Variants in CSMD1 observed in about 807,000 individuals in gnomAD.
The protein encoded by CSMD1 is CUB and sushi domain-containing protein 1.
CSMD1 carries 213 observed loss-of-function variants against 417.5 expected under a neutral mutation model. The ratio of observed to expected loss-of-function variants is 0.51; its 90% CI spans 0.46 to 0.57. The LOEUF (loss-of-function observed/expected upper bound fraction) is 0.57, where lower values mean the gene tolerates loss of function less well. Ranked by LOEUF, CSMD1 falls within the 20% of genes least tolerant of loss-of-function variation. The pLI, the probability that CSMD1 is intolerant of heterozygous loss-of-function variation, is 0.00. For missense variants in CSMD1, 6,923 were observed against 4,529.7 expected (o/e 1.53, Z -15.17); for synonymous variants, 2,862 against 1,736.8 (o/e 1.65, Z -16.11).
chr8:3,574,908 T>C (rs372354557), intron 10 of CSMD1, 37 bp downstream of exon 10: 2 of 1,607,306 alleles, frequency 1.2e-6, no homozygotes, highest in South Asian at 2.2e-5. Context: ...AAGAGTGCTG[T>C]GTGCATTAAC....
intron 7 of CSMD1, among the ~76,000 whole-genome samples, chr8:3,701,280 G>A (rs911627628): frequency 6.6e-6 from 1 of 152,178 alleles, no homozygotes; most frequent in Non-Finnish European, 1.5e-5. Context: ...ACTTTCCGAA[G>A]ATGAATATGA....
At chr8:3,733,041 T>G (rs1240115618) in intron 6 of CSMD1, among the ~76,000 whole-genome samples, 1 of 151,986 alleles carries the variant, frequency 6.6e-6, no homozygotes, top group Non-Finnish European at 1.5e-5. Context: ...CTTGGGAATA[T>G]GTCAGCCGAA....
At chr8:3,642,260 A>C (rs547978249) in intron 7 of CSMD1, among the ~76,000 whole-genome samples, 1 of 152,184 alleles carries the variant, frequency 6.6e-6, no homozygotes, top group Non-Finnish European at 1.5e-5. Context: ...TACACTCTTA[A>C]GGACTTGACT....
At chr8:4,623,332 G>A (rs558167543) in intron 2 of CSMD1, among the ~76,000 whole-genome samples, 5 of 152,208 alleles carry the variant, frequency 3.3e-5, no homozygotes, top group African/African-American at 1.2e-4. Flanking sequence ...AAAAGGCTGA[G>A]TACACTAAAT....
intron 2 of CSMD1, among the ~76,000 whole-genome samples, chr8:4,498,207 G>T (rs1802072702): frequency 6.6e-6 from 1 of 152,064 alleles, no homozygotes; most frequent in Non-Finnish European, 1.5e-5. Flanking sequence ...TAGCAGACGG[G>T]GTTGAACGAT....
At chr8:4,682,608 G>A (rs1003591062) in intron 1 of CSMD1, among the ~76,000 whole-genome samples, 17 of 152,026 alleles carry the variant, frequency 1.1e-4, no homozygotes, top group African/African-American at 3.9e-4. Context: ...AACACTCTAA[G>A]GACATAGGCT....
intron 4 of CSMD1, among the ~76,000 whole-genome samples, chr8:4,003,901 A>G (rs1209285200): frequency 6.6e-6 from 1 of 151,682 alleles, no homozygotes; most frequent in Non-Finnish European, 1.5e-5. Context: ...CCTCTTTCAC[A>G]GCTACCAAAA....
intron 52 of CSMD1, 70 bp downstream of exon 52, chr8:3,018,407 G>A (rs1809047268): frequency 1.4e-6 from 2 of 1,443,102 alleles, no homozygotes; most frequent in African/African-American, 1.4e-5. Flanking sequence ...AGTCATATGT[G>A]TTACACAGCT....
intron 7 of CSMD1, among the ~76,000 whole-genome samples, chr8:3,681,069 C>G (rs1799635826): frequency 1.3e-5 from 2 of 152,124 alleles, no homozygotes; most frequent in Non-Finnish European, 2.9e-5. Context: ...AAGACAAACC[C>G]ACAGCCAATA....
chr8:3,663,548 C>T (rs1798529819), intron 7 of CSMD1, among the ~76,000 whole-genome samples: 2 of 152,142 alleles, frequency 1.3e-5, no homozygotes, highest in Non-Finnish European at 2.9e-5. Context: ...CTGCTTACGG[C>T]CAACCTGCCT....
intron 5 of CSMD1, among the ~76,000 whole-genome samples, chr8:3,824,695 A>C (rs7830539): frequency 0.2 from 29,769 of 152,170 alleles, 3,289 homozygotes; most frequent in Middle Eastern, 0.27. Context: ...TATTAATTTT[A>C]CCTGTATCTT....
intron 1 of CSMD1, among the ~76,000 whole-genome samples, chr8:4,855,201 G>A (rs907263947): frequency 6.7e-6 from 1 of 149,598 alleles, no homozygotes; most frequent in Non-Finnish European, 1.5e-5. Flanking sequence ...GCAGCTGACG[G>A]TCCTCTTTGT....
intron 2 of CSMD1, among the ~76,000 whole-genome samples, chr8:4,615,952 G>T (rs1801450486): frequency 6.6e-6 from 1 of 152,062 alleles, no homozygotes; most frequent in Non-Finnish European, 1.5e-5. Flanking sequence ...TAAGAATCTA[G>T]CCAGAATCTT....
intron 25 of CSMD1, among the ~76,000 whole-genome samples, chr8:3,303,387 C>T (rs975886578): frequency 2.0e-5 from 3 of 152,176 alleles, no homozygotes; most frequent in Admixed American, 6.5e-5. Context: ...AAATCCAGGT[C>T]AGGACAGCCA....
chr8:3,748,424 G>T (rs1306041354), intron 6 of CSMD1, among the ~76,000 whole-genome samples: 4 of 152,190 alleles, frequency 2.6e-5, no homozygotes, highest in Admixed American at 1.3e-4. Context: ...GGAGGCCCAT[G>T]TGGAGGTTTC....
chr8:4,278,166 C>T (rs546197638), intron 3 of CSMD1, among the ~76,000 whole-genome samples: 1 of 152,300 alleles, frequency 6.6e-6, no homozygotes, highest in Non-Finnish European at 1.5e-5. Context: ...TCTTGAATTT[C>T]AGACTACATT....
At chr8:4,289,955 A>C (rs1299390008) in intron 3 of CSMD1, among the ~76,000 whole-genome samples, 1 of 152,222 alleles carries the variant, frequency 6.6e-6, no homozygotes, top group Non-Finnish European at 1.5e-5. Context: ...TCTTCTTGAG[A>C]GGAGACTCAT....
chr8:3,805,401 C>T (rs1370915830), intron 5 of CSMD1, among the ~76,000 whole-genome samples: 1 of 152,174 alleles, frequency 6.6e-6, no homozygotes, highest in Non-Finnish European at 1.5e-5. Flanking sequence ...CCTGTAATCA[C>T]AAGGAAAGAA....
At chr8:4,653,708 G>A (rs927886894) in intron 1 of CSMD1, among the ~76,000 whole-genome samples, 1 of 152,048 alleles carries the variant, frequency 6.6e-6, no homozygotes, top group African/African-American at 2.4e-5. Flanking sequence ...AACACAAATG[G>A]CAGAAAAGGA....
Sources: allele counts gnomAD v4.1 joint callset (sites outside exome capture counted in the v4.1 genomes callset), GRCh38; gene constraint gnomAD v4.1.1; transcripts MANE v1.5; gene names NCBI Gene and HGNC (gene_info 2026-07-23, HGNC 2026-07-21).